The following SLC12A6 variants were observed in gnomAD, a reference collection of about 807,000 sequenced individuals.
SLC12A6 encodes K-Cl cotransporter 3.
SLC12A6 carries 66 observed loss-of-function variants against 135.3 expected under a neutral mutation model. That is an observed-to-expected ratio of 0.49 (90% CI 0.40 to 0.60). The LOEUF (loss-of-function observed/expected upper bound fraction) is 0.60. SLC12A6 is among the 20% of genes least tolerant of loss of function. SLC12A6 has a pLI of 0.00. For missense variants in SLC12A6, 1,058 were observed against 1,452.3 expected (o/e 0.73, Z 4.41); for synonymous variants, 513 against 508.8 (o/e 1.01, Z -0.11).
chr15:34,300,544 C>T (rs751117589), intron 2 of SLC12A6, among the ~76,000 whole-genome samples: 1 of 152,016 alleles, frequency 6.6e-6, no homozygotes, highest in Non-Finnish European at 1.5e-5. Flanking sequence ...TGTCTGTAAT[C>T]CCAGCACTTT....
chr15:34,313,082 C>T lies in SLC12A6; in HGVS notation c.271+23328G>A, dbSNP rs141109793. Among the ~76,000 whole-genome samples the T allele has an allele frequency of 2.1e-3, 321 of 152,274 alleles. 3 individuals are homozygous for T. The highest frequency in any genetic ancestry group is 7.3e-3 in the African/African-American group (305 of 41,548). ...CTGAAATTAGGCCAGTTAATAAACC[C>T]ACATTGGCCTCTAAGTTTTCAAGTG... On this transcript the variant is annotated intron_variant, in intron 2 of 25. Coordinates refer to ENST00000354181, the MANE Select transcript of SLC12A6 (RefSeq NM_001365088.1).
intron 2 of SLC12A6, among the ~76,000 whole-genome samples, chr15:34,333,600 G>A (rs968612854): frequency 1.3e-4 from 20 of 152,106 alleles, no homozygotes; most frequent in African/African-American, 4.3e-4. Flanking sequence ...TCTTTAAGGC[G>A]TTCTTCATAC....
intron 19 of SLC12A6, 88 bp downstream of exon 19, chr15:34,240,573 C>A (rs1891572510): frequency 1.7e-6 from 2 of 1,156,714 alleles, no homozygotes; most frequent in African/African-American, 1.5e-5. Context: ...CACTCAGGAA[C>A]AAGATTCAAG....
chr15:34,330,204 C>T (rs963603556), intron 2 of SLC12A6, among the ~76,000 whole-genome samples: 12 of 152,210 alleles, frequency 7.9e-5, no homozygotes, highest in Non-Finnish European at 1.3e-4. Flanking sequence ...TAACAGCTTT[C>T]CCTCTCTTCC....
chr15:34,243,932 C>A (rs745918128), intron 16 of SLC12A6, 42 bp downstream of exon 16: 10 of 1,187,658 alleles, frequency 8.4e-6, no homozygotes, highest in Non-Finnish European at 6.3e-6. Flanking sequence ...AAGATGGGTT[C>A]TCTCCAAACG....
intron 16 of SLC12A6, among the ~76,000 whole-genome samples, chr15:34,243,170 G>A (rs1891765975): frequency 1.3e-5 from 2 of 152,022 alleles, no homozygotes; most frequent in African/African-American, 2.4e-5. Context: ...GGGATTACAG[G>A]CATGAGCCAC....
chr15:34,327,374 CA>C lies in SLC12A6; in HGVS notation c.271+9035del, dbSNP rs550052631. ...TAAAAAAGGCTGTTAAAAAAACAAACAAACAACTTTAGCCAGGCACAGTGGC... is the reference window on the plus strand; with the variant it reads ...TAAAAAAGGCTGTTAAAAAAACAAACAACAACTTTAGCCAGGCACAGTGGC... On this transcript the variant is annotated intron_variant, in intron 2 of 25. Coordinates refer to ENST00000354181, the MANE Select transcript of SLC12A6 (RefSeq NM_001365088.1). Among the ~76,000 whole-genome samples the C allele has an allele frequency of 1.9e-3, 283 of 152,176 alleles. 1 individual carries two copies. Among genetic ancestry groups the C allele is most frequent in the Non-Finnish European group, 3.1e-3 (214 of 67,978 alleles).
intron 2 of SLC12A6, among the ~76,000 whole-genome samples, chr15:34,287,104 T>A (rs769057993): frequency 6.6e-6 from 1 of 152,154 alleles, no homozygotes; most frequent in South Asian, 2.1e-4. Flanking sequence ...CAACCCGTCA[T>A]CTACATTAGG....
rs1429636135 is a variant in SLC12A6 at position 34,243,963 on chromosome 15, A to G, written c.2042+11T>C. On this transcript the variant is annotated intron_variant, in intron 16 of 25. Transcript: ENST00000354181. ...AAACGTGAGTAAAAAGAATAAAAGA[A>G]GCAGACTTACCAATGGTAGTAGCGG... The G allele has an allele frequency of 6.8e-7, 1 of 1,471,024 alleles. No homozygotes were observed. Among genetic ancestry groups the G allele is most frequent in the Non-Finnish European group, 9.5e-7 (1 of 1,049,342 alleles). The allele number at this position is 1,471,024 out of a possible 1,614,324, so 91.1% of individuals were successfully genotyped here.
At chr15:34,265,526 G>C (rs1893450843) in intron 3 of SLC12A6, among the ~76,000 whole-genome samples, 1 of 152,166 alleles carries the variant, frequency 6.6e-6, no homozygotes, top group Non-Finnish European at 1.5e-5. Flanking sequence ...ACTAGGGAGG[G>C]GAATGACGAC....
At chr15:34,279,292 C>T (rs1346948407) in intron 2 of SLC12A6, among the ~76,000 whole-genome samples, 4 of 151,226 alleles carry the variant, frequency 2.6e-5, no homozygotes, top group Admixed American at 6.6e-5. Flanking sequence ...CCAGCCTGGG[C>T]GACAGAGCAA....
intron 2 of SLC12A6, among the ~76,000 whole-genome samples, chr15:34,331,059 A>G (rs1344224011): frequency 6.7e-6 from 1 of 149,944 alleles, no homozygotes; most frequent in Non-Finnish European, 1.5e-5. Context: ...AATAATAACA[A>G]TAATAATAAT....
At chr15:34,333,813 G>C (rs1397763232) in intron 2 of SLC12A6, among the ~76,000 whole-genome samples, 1 of 152,110 alleles carries the variant, frequency 6.6e-6, no homozygotes, top group Non-Finnish European at 1.5e-5. Context: ...GCTCACGCCT[G>C]TAATCCCAGC....
chr15:34,256,182 C>T (rs1167510333), intron 7 of SLC12A6, 47 bp downstream of exon 7: 1 of 1,197,656 alleles, frequency 8.3e-7, no homozygotes, highest in Non-Finnish European at 1.3e-6. Flanking sequence ...AGCATAAACA[C>T]AGAGTCAACA....
chr15:34,300,563 G>T (rs1401860178), intron 2 of SLC12A6, among the ~76,000 whole-genome samples: 1 of 152,086 alleles, frequency 6.6e-6, no homozygotes, highest in African/African-American at 2.4e-5. Flanking sequence ...TTGGGAGGCT[G>T]AGGCAAGAGG....
rs1428652694 is a variant in SLC12A6, at chr15:34,240,679, T to C, written c.2418A>G (p.Glu806=). Reference sequence around the variant, plus strand: ...CTCTTACCTGCTCAGCAGCTAAAGCTTCACCGTAGTTCTCTAGGAAGTTCC... The same window carrying C: ...CTCTTACCTGCTCAGCAGCTAAAGCCTCACCGTAGTTCTCTAGGAAGTTCC... ...IVGNFLENYG[E]ALAAEQTIKH... The change falls in exon 19 of 26, where the codon GAA becomes GAG. Residue 806 remains glutamate, a synonymous_variant. Coordinates refer to ENST00000354181, the MANE Select transcript of SLC12A6 (RefSeq NM_001365088.1). 1.2e-6 allele frequency: 2 copies of C among 1,613,902 alleles called. No homozygotes were observed. Among genetic ancestry groups the C allele is most frequent in the African/African-American group, 2.7e-5 (2 of 74,916 alleles).
Position 34,235,254 on chromosome 15 carries a change from G to A in SLC12A6, c.3288C>T (p.Asn1096=). 1 of 1,612,978 alleles carries A rather than the reference G, an allele frequency of 6.2e-7. No homozygotes were observed. Among genetic ancestry groups the A allele is most frequent in the Non-Finnish European group, 8.5e-7 (1 of 1,178,980 alleles). Reference sequence around the variant, plus strand: ...AAACCAGCTTTGCTTCATGGGACTTGTTAACTATAACCTCGTTGAGTTTCA... The same window carrying A: ...AAACCAGCTTTGCTTCATGGGACTTATTAACTATAACCTCGTTGAGTTTCA... ...TAVKLNEVIV[N]KSHEAKLVLL... is the part of the protein sequence containing the mutation. Residue 1096 remains asparagine, a synonymous_variant, in exon 25 of 26, where the codon AAC becomes AAT. Transcript: ENST00000354181.
At chr15:34,286,517 G>A (rs1043313323) in intron 2 of SLC12A6, among the ~76,000 whole-genome samples, 12 of 151,794 alleles carry the variant, frequency 7.9e-5, no homozygotes, top group South Asian at 2.1e-4. Context: ...TTCCCTGCCC[G>A]GGCACAGTGG....
At chr15:34,320,747 T>G (rs1889025452) in intron 2 of SLC12A6, among the ~76,000 whole-genome samples, 1 of 151,738 alleles carries the variant, frequency 6.6e-6, no homozygotes, top group African/African-American at 2.4e-5. Context: ...AAACCCTGTC[T>G]CTACTAAAAA....
Sources: allele counts gnomAD v4.1 joint callset (sites outside exome capture counted in the v4.1 genomes callset), GRCh38; gene constraint gnomAD v4.1.1; transcripts MANE v1.5; gene names NCBI Gene and HGNC (gene_info 2026-07-23, HGNC 2026-07-21).